Variants in SCD5 observed in about 807,000 individuals in gnomAD.
The protein encoded by SCD5 is stearoyl-CoA desaturase 5.
A neutral mutation model predicts 30.4 loss-of-function variants in SCD5; 20 were observed. The observed-to-expected ratio is 0.66, with a 90% CI of 0.46 to 0.96. The LOEUF (loss-of-function observed/expected upper bound fraction) is 0.96, where lower values mean the gene tolerates loss of function less well. SCD5 is among the 40% of genes least tolerant of loss of function. The probability of loss-of-function intolerance (pLI) is 0.00; values close to 1 mark genes in which losing one functional copy is unlikely to be tolerated. For missense variants in SCD5, 381 were observed against 443.3 expected (o/e 0.86, Z 1.26); for synonymous variants, 173 against 176.4 (o/e 0.98, Z 0.16).
chr4:82,679,137 T>G (rs1201962983), intron 3 of SCD5, among the ~76,000 whole-genome samples: 2 of 148,312 alleles, frequency 1.3e-5, no homozygotes, highest in Non-Finnish European at 1.5e-5. Context: ...AGGCAGAGGT[T>G]GCAGTGAGCC....
At chr4:82,752,797 CTAAA>C (rs1238873036) in intron 1 of SCD5, among the ~76,000 whole-genome samples, 2 of 152,104 alleles carry the variant, frequency 1.3e-5, no homozygotes, top group Non-Finnish European at 2.9e-5. Flanking sequence ...CTTTTTCCCC[CTAAA>C]TAAACTTACT....
chr4:82,681,520 G>A (rs1238130402), intron 2 of SCD5, among the ~76,000 whole-genome samples: 1 of 152,116 alleles, frequency 6.6e-6, no homozygotes, highest in African/African-American at 2.4e-5. Flanking sequence ...ATTATCCTTA[G>A]CAAACTAATG....
chr4:82,682,505 A>T (rs1401948477), intron 2 of SCD5, among the ~76,000 whole-genome samples: 1 of 152,214 alleles, frequency 6.6e-6, no homozygotes, highest in Non-Finnish European at 1.5e-5. Flanking sequence ...TTTAAGTATT[A>T]TATTACATTA....
At chr4:82,718,072 CTTTTT>C (rs113602410) in intron 1 of SCD5, among the ~76,000 whole-genome samples, 44 of 141,004 alleles carry the variant, frequency 3.1e-4, no homozygotes, top group East Asian at 1.0e-3. Context: ...TCATTATCAC[CTTTTT>C]TTTTTAAAAA....
intron 3 of SCD5, among the ~76,000 whole-genome samples, chr4:82,642,622 T>C (rs1727568007): frequency 6.6e-6 from 1 of 152,202 alleles, no homozygotes; most frequent in African/African-American, 2.4e-5. Context: ...CTGCACAGCA[T>C]TCCTGTAGCA....
intron 1 of SCD5, among the ~76,000 whole-genome samples, chr4:82,765,904 G>A (rs1199291275): frequency 1.3e-5 from 2 of 152,160 alleles, no homozygotes; most frequent in East Asian, 3.8e-4. Flanking sequence ...ACAGGGATGA[G>A]CCACTGTGCA....
At chr4:82,659,039 G>A (rs1485125676) in intron 3 of SCD5, among the ~76,000 whole-genome samples, 2 of 152,194 alleles carry the variant, frequency 1.3e-5, no homozygotes, top group South Asian at 2.1e-4. Context: ...TGAGGGATTC[G>A]ACTTCTTCCC....
intron 3 of SCD5, among the ~76,000 whole-genome samples, chr4:82,644,005 T>G (rs1727593519): frequency 1.3e-5 from 2 of 152,234 alleles, no homozygotes; most frequent in Non-Finnish European, 2.9e-5. Flanking sequence ...AAGGATGTCC[T>G]ATTGTTGAAG....
chr4:82,656,942 A>T (rs1045114719), intron 3 of SCD5, among the ~76,000 whole-genome samples: 1 of 151,718 alleles, frequency 6.6e-6, no homozygotes, highest in Non-Finnish European at 1.5e-5. Flanking sequence ...ACTTTTTGAT[A>T]GGGTTGTTTT....
chr4:82,635,944 G>C (rs370512962), intron 4 of SCD5, among the ~76,000 whole-genome samples: 1 of 152,156 alleles, frequency 6.6e-6, no homozygotes, highest in African/African-American at 2.4e-5. Context: ...CAAATGATTG[G>C]ACAGCTGAGG....
intron 4 of SCD5, among the ~76,000 whole-genome samples, chr4:82,633,067 A>G (rs7691733): frequency 0.2 from 30,456 of 152,052 alleles, 3,236 homozygotes; most frequent in East Asian, 0.36. Context: ...CACTATCGCC[A>G]TGTTTTACAG....
intron 2 of SCD5, among the ~76,000 whole-genome samples, chr4:82,688,371 G>A (rs1728757223): frequency 6.6e-6 from 1 of 152,124 alleles, no homozygotes; most frequent in African/African-American, 2.4e-5. Flanking sequence ...GTTCTATCAA[G>A]AGGGTCAAAT....
Position 82,658,803 on chromosome 4 carries a change from T to C in SCD5, c.569+21904A>G, listed in dbSNP as rs565427950. Among the ~76,000 whole-genome samples the C allele has an allele frequency of 2.8e-3, 327 of 116,554 alleles. 4 individuals carry two copies. The highest frequency in any genetic ancestry group is 0.011 in the African/African-American group (316 of 28,656). 76.5% of individuals were successfully genotyped at this position (116,554 alleles called of 152,430 possible). The stretch of plus-strand genomic sequence containing the variant: ...TATTGGCCTGATATTTTCTTTTTTT[T>C]GTTGTGTCTCTGCCAGGTTTTGGTA... On this transcript the variant is annotated intron_variant, in intron 3 of 4. Transcript: ENST00000319540.
intron 1 of SCD5, among the ~76,000 whole-genome samples, chr4:82,731,007 C>G (rs1412354551): frequency 6.6e-6 from 1 of 152,196 alleles, no homozygotes; most frequent in Non-Finnish European, 1.5e-5. Flanking sequence ...TTGGGGTACA[C>G]AGGAAACCCC....
At chr4:82,725,593 C>T (rs1011100081) in intron 1 of SCD5, among the ~76,000 whole-genome samples, 6 of 152,134 alleles carry the variant, frequency 3.9e-5, no homozygotes, top group East Asian at 1.9e-4. Context: ...GGCGTGGTGG[C>T]TCATGCCTGT....
chr4:82,794,261 A>C (rs1722160446), intron 1 of SCD5, among the ~76,000 whole-genome samples: 1 of 152,218 alleles, frequency 6.6e-6, no homozygotes, highest in Non-Finnish European at 1.5e-5. Flanking sequence ...AGGATGGCTG[A>C]TCTATCAAAG....
chr4:82,721,666 G>A (rs1197431024), intron 1 of SCD5, among the ~76,000 whole-genome samples: 2 of 152,136 alleles, frequency 1.3e-5, no homozygotes, highest in Non-Finnish European at 1.5e-5. Flanking sequence ...ATCTATAAGC[G>A]AAGGAGAGAG....
chr4:82,707,126 G>C (rs1470347823), intron 1 of SCD5, among the ~76,000 whole-genome samples: 2 of 152,234 alleles, frequency 1.3e-5, no homozygotes, highest in African/African-American at 4.8e-5. Context: ...CTTACTAGCT[G>C]CATCTGAGGT....
At chr4:82,675,961 G>C (rs1728428030) in intron 3 of SCD5, among the ~76,000 whole-genome samples, 1 of 152,144 alleles carries the variant, frequency 6.6e-6, no homozygotes, top group African/African-American at 2.4e-5. Context: ...TTTTATTCAA[G>C]GGTCCAACGC....
Sources: gnomAD v4.1 joint callset for allele counts (sites outside exome capture counted in the v4.1 genomes callset) on GRCh38, gnomAD v4.1.1 for gene constraint, MANE v1.5 for transcripts, NCBI Gene and HGNC (gene_info 2026-07-23, HGNC 2026-07-21) for gene names.